CSMD3: variants seen among roughly 807,000 people sequenced by gnomAD.
CSMD3 encodes the protein CUB and Sushi multiple domains 3, also known as CUB and sushi domain-containing protein 3.
Under a neutral mutation model 435.2 loss-of-function variants are expected in CSMD3, and 177 were observed. The ratio of observed to expected loss-of-function variants is 0.41; its 90% CI spans 0.36 to 0.46. The LOEUF is 0.46. Among genes scored for constraint, CSMD3 ranks in the 20% least tolerant of loss-of-function variants. The pLI, the probability that CSMD3 is intolerant of heterozygous loss-of-function variation, is 0.34. For missense variants in CSMD3, 4,265 were observed against 4,504.6 expected (o/e 0.95, Z 1.52); for synonymous variants, 1,656 against 1,520.5 (o/e 1.09, Z -2.07).
Position 113,375,749 on chromosome 8 carries a change from T to C in CSMD3, c.178+60928A>G, listed in dbSNP as rs565410307. Among the ~76,000 whole-genome samples the C allele has an allele frequency of 1.4e-4, 21 of 152,220 alleles. No homozygotes were observed. The East Asian group carries it at 4.1e-3, about 29-fold the overall frequency. On this transcript the variant is annotated intron_variant, in intron 1 of 70. Coordinates refer to ENST00000297405, the MANE Select transcript of CSMD3 (RefSeq NM_198123.2). ...CTGCCAACATAAAATCGGAGTAGCT[T>C]ATGTAAGACTAAAATATGAGAGAAA...
intron 3 of CSMD3, among the ~76,000 whole-genome samples, chr8:113,249,492 G>A (rs117800645): frequency 0.031 from 4,760 of 152,098 alleles, 97 homozygotes; most frequent in Non-Finnish European, 0.052. Flanking sequence ...TGTTACAACA[G>A]TTGTACATAT....
chr8:112,981,904 A>T (rs1368019790), intron 6 of CSMD3, among the ~76,000 whole-genome samples: 1 of 151,820 alleles, frequency 6.6e-6, no homozygotes, highest in Non-Finnish European at 1.5e-5. Flanking sequence ...ACATAAATGT[A>T]TGAATGTTAT....
intron 1 of CSMD3, among the ~76,000 whole-genome samples, chr8:113,363,292 T>TACA (rs372691113): frequency 8.6e-5 from 2 of 23,164 alleles, no homozygotes; most frequent in Non-Finnish European, 3.7e-4. Flanking sequence ...ACACGCGTGT[T>TACA]TGTATATTTC....
At chr8:112,882,051 T>C (rs1405019566) in intron 10 of CSMD3, among the ~76,000 whole-genome samples, 2 of 151,844 alleles carry the variant, frequency 1.3e-5, no homozygotes, top group Non-Finnish European at 2.9e-5. Context: ...TATAATTATA[T>C]CAATCTAAGA....
At chr8:112,335,988 C>T (rs1246407659) in intron 44 of CSMD3, among the ~76,000 whole-genome samples, 2 of 152,172 alleles carry the variant, frequency 1.3e-5, no homozygotes, top group East Asian at 3.9e-4. Context: ...TCACAGCTCA[C>T]TGCACCTTTG....
At chr8:112,778,455 A>G (rs2078299036) in intron 13 of CSMD3, among the ~76,000 whole-genome samples, 1 of 151,966 alleles carries the variant, frequency 6.6e-6, no homozygotes, top group Admixed American at 6.6e-5. Context: ...AGTTGAAATC[A>G]TATAGTATGT....
rs1183042218 is a variant in CSMD3, at chr8:112,591,174, C to T, written c.3716-3939G>A. On this transcript the variant is annotated intron_variant, in intron 22 of 70. Transcript: ENST00000297405. ...TGATGACTTTTCTGAAAAACAAGTC[C>T]TATTCATATAAAATATTTTTTTATT... Among the ~76,000 whole-genome samples, 8 of 152,138 alleles carry T rather than the reference C, an allele frequency of 5.3e-5. No homozygotes were observed. In the East Asian group the frequency reaches 1.2e-3, roughly 22 times the overall value.
chr8:112,575,304 A>G (rs1403130441), intron 23 of CSMD3, among the ~76,000 whole-genome samples: 2 of 152,072 alleles, frequency 1.3e-5, no homozygotes, highest in African/African-American at 2.4e-5. Flanking sequence ...TGGAATCTAT[A>G]GACTCACGTG....
chr8:113,170,074 A>G (rs181443597), intron 4 of CSMD3, among the ~76,000 whole-genome samples: 209 of 152,288 alleles, frequency 1.4e-3, no homozygotes, highest in Middle Eastern at 6.8e-3. Context: ...ACTCTCTACA[A>G]GCAAAGGTTT....
chr8:112,703,245 A>G (rs1167384626), intron 13 of CSMD3, among the ~76,000 whole-genome samples: 1 of 152,136 alleles, frequency 6.6e-6, no homozygotes, highest in African/African-American at 2.4e-5. Flanking sequence ...AGAGTAGCAC[A>G]TGATTCTGCT....
chr8:112,603,651 G>A (rs1206427870), intron 22 of CSMD3, among the ~76,000 whole-genome samples: 4 of 152,106 alleles, frequency 2.6e-5, no homozygotes, highest in East Asian at 1.9e-4. Context: ...GGTAGTAAAT[G>A]ATAAAATAGA....
intron 7 of CSMD3, among the ~76,000 whole-genome samples, chr8:112,969,932 T>C (rs1342064968): frequency 6.6e-6 from 1 of 152,050 alleles, no homozygotes; most frequent in African/African-American, 2.4e-5. Flanking sequence ...ATTGTGCTTA[T>C]AATCTGTTAT....
Position 112,404,944 on chromosome 8 carries a change from G to A in CSMD3, c.5809+1580C>T, listed in dbSNP as rs181492910. Among the ~76,000 whole-genome samples, 877 of 151,370 alleles carry A rather than the reference G, an allele frequency of 5.8e-3. 5 individuals carry two copies. Among genetic ancestry groups the A allele is most frequent in the Non-Finnish European group, 0.01 (680 of 67,848 alleles). ...TGTAATCCCAGCATTCTGGGAGGCC[G>A]AGGGGGGTGGATTACTTGAGGCTAG... On this transcript the variant is annotated intron_variant, in intron 35 of 70. Coordinates refer to ENST00000297405, the MANE Select transcript of CSMD3 (RefSeq NM_198123.2).
chr8:113,383,704 A>G (rs2094427236), intron 1 of CSMD3, among the ~76,000 whole-genome samples: 1 of 152,174 alleles, frequency 6.6e-6, no homozygotes, highest in Non-Finnish European at 1.5e-5. Context: ...TGACTTTTGA[A>G]TTATTTATTA....
At chr8:113,002,905 T>C (rs1290174082) in intron 6 of CSMD3, among the ~76,000 whole-genome samples, 1 of 152,070 alleles carries the variant, frequency 6.6e-6, no homozygotes, top group Non-Finnish European at 1.5e-5. Context: ...TGAGAGATAG[T>C]GGACATTTAG....
At chr8:112,954,842 T>A (rs990847761) in intron 7 of CSMD3, 81 bp from the exon 8 acceptor site, 7 of 861,172 alleles carry the variant, frequency 8.1e-6, no homozygotes, top group Non-Finnish European at 1.3e-5. Context: ...TTTGTTAGCA[T>A]GGACTTATGC....
At position 113,318,786 on chromosome 8, in the gene CSMD3, A is replaced by ATGTGTGTGTGTGTGTGTG. The variant is rs56269027; in HGVS notation, c.179-4011_179-3994dup. Among the ~76,000 whole-genome samples, 799 of 140,126 alleles carry ATGTGTGTGTGTGTGTGTG rather than the reference A, an allele frequency of 5.7e-3. 9 individuals carry two copies. The highest frequency in any genetic ancestry group is 9.8e-3 in the African/African-American group (367 of 37,438). The allele number at this position is 140,126 out of a possible 152,430, so 91.9% of individuals were successfully genotyped here. A position where few individuals can be genotyped will look rare whatever the true frequency, so the allele number is the denominator to read the frequency against. Reference sequence around the variant, plus strand: ...ATTTCCTCTTTTAAGGCTGAATAAGATGTGTGTGTGTGTGTGTGTGTGTGT... The same window carrying ATGTGTGTGTGTGTGTGTG: ...ATTTCCTCTTTTAAGGCTGAATAAGATGTGTGTGTGTGTGTGTGTGTGTGTGTGTGTGTGTGTGTGTGT... On this transcript the variant is annotated intron_variant, in intron 1 of 70. Transcript: ENST00000297405.
intron 1 of CSMD3, chr8:113,377,218 C>G: frequency 1.0e-6 from 1 of 967,112 alleles, no homozygotes; most frequent in Non-Finnish European, 1.3e-6. Flanking sequence ...GCGCGAGAGA[C>G]CGAAGGGCCA....
At chr8:112,791,182 G>A (rs2078680235) in intron 13 of CSMD3, among the ~76,000 whole-genome samples, 1 of 151,988 alleles carries the variant, frequency 6.6e-6, no homozygotes, top group Non-Finnish European at 1.5e-5. Context: ...AATTAGCCAT[G>A]CATGGTGGCA....
Sources: gnomAD v4.1 joint callset for allele counts (sites outside exome capture counted in the v4.1 genomes callset) on GRCh38, gnomAD v4.1.1 for gene constraint, MANE v1.5 for transcripts, NCBI Gene and HGNC (gene_info 2026-07-23, HGNC 2026-07-21) for gene names.